The following NALF1 variants were observed in gnomAD, a reference collection of about 807,000 sequenced individuals.
The protein encoded by NALF1 is family with sequence similarity 155 member A.
A neutral mutation model predicts 48.4 loss-of-function variants in NALF1; 3 were observed. The ratio of observed to expected loss-of-function variants is 0.06; its 90% confidence interval spans 0.03 to 0.16. The LOEUF is 0.16. Ranked by LOEUF, NALF1 falls within the 10% of genes least tolerant of loss-of-function variation. The pLI, the probability that NALF1 is intolerant of heterozygous loss-of-function variation, is 1.00. For synonymous variants in NALF1, 262 were observed against 245.7 expected (o/e 1.07, Z -0.62); for missense variants, 526 against 571.5 (o/e 0.92, Z 0.81).
chr13:107,236,721 CTATCTATCTATCT>C (rs1284798095), intron 1 of NALF1, among the ~76,000 whole-genome samples: 11 of 148,396 alleles, frequency 7.4e-5, no homozygotes, highest in African/African-American at 2.8e-4. Flanking sequence ...ATCTATCTAT[CTATCTATCTATCT>C]ATCATCTACA....
chr13:107,632,949 C>T (rs920705769), intron 1 of NALF1, among the ~76,000 whole-genome samples: 4 of 149,324 alleles, frequency 2.7e-5, no homozygotes, highest in South Asian at 2.1e-4. Context: ...GTGGATTTCA[C>T]TTGGTGCAGC....
intron 2 of NALF1, among the ~76,000 whole-genome samples, chr13:107,183,213 A>G (rs1283191791): frequency 6.6e-6 from 1 of 152,212 alleles, no homozygotes; most frequent in Admixed American, 6.5e-5. Flanking sequence ...GAACAAGTCC[A>G]GTTGGCTTGC....
At chr13:107,556,254 CCT>C (rs530335957) in intron 1 of NALF1, among the ~76,000 whole-genome samples, 23 of 143,988 alleles carry the variant, frequency 1.6e-4, no homozygotes, top group Non-Finnish European at 2.4e-4. Flanking sequence ...ATGTGCCTCT[CCT>C]CTCTCTCTCT....
intron 1 of NALF1, among the ~76,000 whole-genome samples, chr13:107,303,169 G>T (rs115761869): frequency 2.4e-3 from 359 of 152,052 alleles, no homozygotes; most frequent in Middle Eastern, 0.014. Flanking sequence ...TCATGTGTTT[G>T]TTGGCCATTT....
chr13:107,500,410 T>A (rs1875480228), intron 1 of NALF1, among the ~76,000 whole-genome samples: 1 of 152,028 alleles, frequency 6.6e-6, no homozygotes, highest in African/African-American at 2.4e-5. Flanking sequence ...TGAGACACCA[T>A]CTCACATCAG....
intron 1 of NALF1, among the ~76,000 whole-genome samples, chr13:107,802,154 C>T (rs1878636181): frequency 6.6e-6 from 1 of 152,104 alleles, no homozygotes; most frequent in African/African-American, 2.4e-5. Context: ...TAAATGTAAA[C>T]CATCATTTGT....
At chr13:107,462,286 T>A (rs1001625231) in intron 1 of NALF1, among the ~76,000 whole-genome samples, 2 of 152,198 alleles carry the variant, frequency 1.3e-5, no homozygotes, top group Admixed American at 6.5e-5. Context: ...GTTCGTATTT[T>A]GCCTGGTTCT....
chr13:107,217,418 C>T (rs1397062392), intron 1 of NALF1, among the ~76,000 whole-genome samples: 1 of 152,170 alleles, frequency 6.6e-6, no homozygotes, highest in South Asian at 2.1e-4. Flanking sequence ...GTTAGTATCC[C>T]TCCGGCTTCT....
intron 1 of NALF1, among the ~76,000 whole-genome samples, chr13:107,290,833 G>GT (rs999102311): frequency 6.6e-6 from 1 of 152,054 alleles, no homozygotes; most frequent in Non-Finnish European, 1.5e-5. Context: ...ACTGTCTACA[G>GT]TTTTTTATAG....
In NALF1 at chr13:107,665,678, G is replaced by A. The variant is rs1173812478; in HGVS notation, c.915+200004C>T. ...TATTTTATCTCATCTTGACATGTTT[G>A]TGTCTTGTAAGTTGTCTTAAATGCT... On this transcript the variant is annotated intron_variant, in intron 1 of 2. Transcript: ENST00000375915. Among the ~76,000 whole-genome samples, 4 of 151,830 alleles carry A rather than the reference G, an allele frequency of 2.6e-5. No individual in the cohort carries two copies. In the East Asian group the frequency reaches 7.7e-4, roughly 29 times the overall value.
At chr13:107,584,381 T>G (rs1051659730) in intron 1 of NALF1, among the ~76,000 whole-genome samples, 1 of 152,186 alleles carries the variant, frequency 6.6e-6, no homozygotes, top group Non-Finnish European at 1.5e-5. Context: ...TTTTAATGCA[T>G]GCCTGTTTAA....
rs1878658610 is a variant in NALF1, at chr13:107,166,358, T to C, written c.*4139A>G. 6.6e-6 allele frequency: 1 copy of C among 152,234 alleles called. No individual in the cohort carries two copies. Among genetic ancestry groups the C allele is most frequent in the Non-Finnish European group, 1.5e-5 (1 of 68,088 alleles). The allele number at this position is 152,234 out of a possible 1,614,324, so 9.4% of individuals were successfully genotyped here. On this transcript the variant is annotated 3_prime_UTR_variant, in exon 3 of 3. Coordinates refer to ENST00000375915, the MANE Select transcript of NALF1 (RefSeq NM_001080396.3). Reference sequence around the variant, plus strand: ...TCGCTTGAACCCAGGAAGTGGAGGTTGCAGTGAGCAGAGATCTTGCCGCTG... The same window carrying C: ...TCGCTTGAACCCAGGAAGTGGAGGTCGCAGTGAGCAGAGATCTTGCCGCTG...
At chr13:107,499,080 T>C (rs1250423439) in intron 1 of NALF1, among the ~76,000 whole-genome samples, 2 of 151,988 alleles carry the variant, frequency 1.3e-5, no homozygotes, top group East Asian at 1.9e-4. Flanking sequence ...AAAAAAACGA[T>C]CAACACACTC....
rs190973380 is a variant in NALF1 at position 107,756,425 on chromosome 13, A to T, written c.915+109257T>A. Among the ~76,000 whole-genome samples, 558 of 137,430 alleles carry T rather than the reference A, an allele frequency of 4.1e-3. 7 individuals carry two copies. The highest frequency in any genetic ancestry group is 0.014 in the South Asian group (59 of 4,110). The allele number at this position is 137,430 out of a possible 152,430, so 90.2% of individuals were successfully genotyped here. ...ATCAATCACAACTAAATATTAAATA[A>T]GTTTAATGGCTATATATATATATAT... On this transcript the variant is annotated intron_variant, in intron 1 of 2. Coordinates refer to ENST00000375915, the MANE Select transcript of NALF1 (RefSeq NM_001080396.3).
At chr13:107,238,489 C>T (rs182173265) in intron 1 of NALF1, among the ~76,000 whole-genome samples, 1 of 152,276 alleles carries the variant, frequency 6.6e-6, no homozygotes, top group Non-Finnish European at 1.5e-5. Context: ...CATCAAGGAG[C>T]TCTCAGTCCA....
chr13:107,743,657 A>G (rs2138546331), intron 1 of NALF1, among the ~76,000 whole-genome samples: 1 of 152,340 alleles, frequency 6.6e-6, no homozygotes, highest in South Asian at 2.1e-4. Context: ...GATAGCCACG[A>G]AGCAATTCCT....
chr13:107,368,635 C>T lies in NALF1; in HGVS notation c.916-157880G>A, dbSNP rs370306782. ...TAATCTCTGCCTGTCTTCACAAGGC[C>T]CTCCTCTCTGTGTCTTCTCTTCCAC... On this transcript the variant is annotated intron_variant, in intron 1 of 2. Transcript: ENST00000375915. Among the ~76,000 whole-genome samples the T allele has an allele frequency of 3.9e-5, 6 of 152,248 alleles. No homozygotes were observed. The South Asian group carries it at 6.2e-4, about 16-fold the overall frequency.
intron 1 of NALF1, among the ~76,000 whole-genome samples, chr13:107,844,232 A>G (rs559107622): frequency 7.7e-6 from 1 of 130,106 alleles, no homozygotes; most frequent in East Asian, 4.9e-4. Flanking sequence ...AGCCACAAAT[A>G]AAATACAGAT....
chr13:107,316,720 C>G (rs1352329916), intron 1 of NALF1, among the ~76,000 whole-genome samples: 1 of 151,974 alleles, frequency 6.6e-6, no homozygotes, highest in African/African-American at 2.4e-5. Flanking sequence ...CTGTTCATAT[C>G]CTTTGCCCAC....
Sources: gnomAD v4.1 joint callset for allele counts (sites outside exome capture counted in the v4.1 genomes callset) on GRCh38, gnomAD v4.1.1 for gene constraint, MANE v1.5 for transcripts, NCBI Gene and HGNC (gene_info 2026-07-23, HGNC 2026-07-21) for gene names.